KCNIP4: variants seen among roughly 807,000 people sequenced by gnomAD.
The protein encoded by KCNIP4 is potassium voltage-gated channel interacting protein 4.
A neutral mutation model predicts 34.0 loss-of-function variants in KCNIP4; 12 were observed. That is an observed-to-expected ratio of 0.35 (90% confidence interval 0.23 to 0.57). The LOEUF is 0.57. Among genes scored for constraint, KCNIP4 ranks in the 20% least tolerant of loss-of-function variants. The pLI, the probability that KCNIP4 is intolerant of heterozygous loss-of-function variation, is 0.83. For synonymous variants in KCNIP4, 124 were observed against 102.2 expected, an observed-to-expected ratio of 1.21 and a Z score of -1.29; for missense variants, 238 against 311.7, an observed-to-expected ratio of 0.76 and a Z score of 1.78.
At chr4:21,661,276 A>T (rs909142583) in intron 1 of KCNIP4, among the ~76,000 whole-genome samples, 1 of 152,108 alleles carries the variant, frequency 6.6e-6, no homozygotes, top group South Asian at 2.1e-4. Flanking sequence ...GTGTGACCTG[A>T]TTCTTCCTGG....
At chr4:21,441,930 T>C (rs1001280322) in intron 1 of KCNIP4, among the ~76,000 whole-genome samples, 2 of 152,194 alleles carry the variant, frequency 1.3e-5, no homozygotes, top group African/African-American at 4.8e-5. Context: ...TATACTTACA[T>C]TACTTCATTA....
chr4:21,066,149 G>A (rs1744363633), intron 1 of KCNIP4, among the ~76,000 whole-genome samples: 1 of 152,058 alleles, frequency 6.6e-6, no homozygotes. Flanking sequence ...AACAACACCG[G>A]TGGGAAATTT....
chr4:21,389,934 T>C (rs190015917), intron 1 of KCNIP4, among the ~76,000 whole-genome samples: 10 of 150,874 alleles, frequency 6.6e-5, no homozygotes, highest in African/African-American at 1.7e-4. Context: ...TAAAAGTGTT[T>C]CTATTTCTCC....
chr4:21,527,306 T>C (rs1283998165), intron 1 of KCNIP4, among the ~76,000 whole-genome samples: 2 of 152,188 alleles, frequency 1.3e-5, no homozygotes, highest in Non-Finnish European at 2.9e-5. Flanking sequence ...TCCCTTACCT[T>C]GGCTAATATT....
chr4:21,739,701 G>C (rs1478256366), intron 1 of KCNIP4, among the ~76,000 whole-genome samples: 1 of 152,048 alleles, frequency 6.6e-6, no homozygotes, highest in Non-Finnish European at 1.5e-5. Context: ...TAAGGAGAAA[G>C]TTATGCTTGT....
At chr4:20,836,549 G>C (rs1719056723) in intron 3 of KCNIP4, among the ~76,000 whole-genome samples, 1 of 152,174 alleles carries the variant, frequency 6.6e-6, no homozygotes, top group Non-Finnish European at 1.5e-5. Flanking sequence ...GGGCAGGTGA[G>C]CAGGCTGGAA....
intron 1 of KCNIP4, among the ~76,000 whole-genome samples, chr4:21,411,715 G>T (rs774592280): frequency 6.6e-6 from 1 of 152,182 alleles, no homozygotes; most frequent in South Asian, 2.1e-4. Flanking sequence ...GAATGTGCCT[G>T]TGGTCTTAGC....
chr4:21,401,644 G>A (rs1183494907), intron 1 of KCNIP4, among the ~76,000 whole-genome samples: 1 of 152,200 alleles, frequency 6.6e-6, no homozygotes. Context: ...CAGCAACAGG[G>A]AATTAAGGAG....
chr4:21,364,840 A>T (rs569988635), intron 1 of KCNIP4, among the ~76,000 whole-genome samples: 1 of 152,336 alleles, frequency 6.6e-6, no homozygotes, highest in African/African-American at 2.4e-5. Flanking sequence ...ACTATTTGTT[A>T]GAGGCAACTA....
At chr4:21,556,002 T>G (rs1738974111) in intron 1 of KCNIP4, among the ~76,000 whole-genome samples, 1 of 152,142 alleles carries the variant, frequency 6.6e-6, no homozygotes, top group South Asian at 2.1e-4. Flanking sequence ...ATCCTAAATA[T>G]TGCAAAGGAA....
chr4:21,692,051 T>C (rs771771034), intron 1 of KCNIP4, among the ~76,000 whole-genome samples: 8 of 152,080 alleles, frequency 5.3e-5, no homozygotes, highest in Admixed American at 4.6e-4. Flanking sequence ...TCGTGAAACA[T>C]GTTGATTAAT....
intron 1 of KCNIP4, among the ~76,000 whole-genome samples, chr4:21,413,956 G>C (rs547034351): frequency 3.3e-5 from 5 of 152,280 alleles, no homozygotes; most frequent in African/African-American, 9.6e-5. Flanking sequence ...CTGCAGAATA[G>C]ACCATTTTTA....
chr4:21,072,781 C>G (rs1158684197), intron 1 of KCNIP4, among the ~76,000 whole-genome samples: 1 of 152,100 alleles, frequency 6.6e-6, no homozygotes, highest in Non-Finnish European at 1.5e-5. Context: ...GGTTTTGGGT[C>G]TAACATGTAA....
chr4:21,150,529 G>A (rs1439948030), intron 1 of KCNIP4, among the ~76,000 whole-genome samples: 1 of 152,204 alleles, frequency 6.6e-6, no homozygotes, highest in Non-Finnish European at 1.5e-5. Context: ...CTTAGAGGAG[G>A]GAGTGATAGA....
chr4:20,738,495 G>A (rs986444512), intron 5 of KCNIP4, among the ~76,000 whole-genome samples: 1 of 151,906 alleles, frequency 6.6e-6, no homozygotes, highest in African/African-American at 2.4e-5. Flanking sequence ...GGGGAAGCCT[G>A]TACTGCTTCC....
At chr4:20,895,016 A>T (rs913585176) in intron 1 of KCNIP4, among the ~76,000 whole-genome samples, 3 of 152,200 alleles carry the variant, frequency 2.0e-5, no homozygotes, top group African/African-American at 2.4e-5. Flanking sequence ...GAGGAAATTG[A>T]TGGTAAAGAT....
intron 1 of KCNIP4, among the ~76,000 whole-genome samples, chr4:21,906,767 CCCTG>C (rs1560175310): frequency 6.6e-6 from 1 of 152,108 alleles, no homozygotes. Context: ...GCATACCCTG[CCCTG>C]ATAACATCTA....
intron 1 of KCNIP4, among the ~76,000 whole-genome samples, chr4:21,494,773 T>TAA (rs34162922): frequency 0.014 from 1,535 of 111,702 alleles, 25 homozygotes; most frequent in African/African-American, 0.043. Context: ...TCAGACTGTG[T>TAA]AAAAAAAAAA....
At position 21,757,167 on chromosome 4, in the gene KCNIP4, G is replaced by GAAAGAAAGA. The variant is rs1308919854; in HGVS notation, c.61+191403_61+191404insTCTTTCTTT. Among the ~76,000 whole-genome samples the GAAAGAAAGA allele has an allele frequency of 4.1e-5, 2 of 48,930 alleles. 1 individual carries two copies. Among genetic ancestry groups the GAAAGAAAGA allele is most frequent in the Non-Finnish European group, 8.4e-5 (2 of 23,858 alleles). 32.1% of individuals were successfully genotyped at this position (48,930 alleles called of 152,430 possible). On this transcript the variant is annotated intron_variant, in intron 1 of 8. Transcript: ENST00000382152. ...AGAAAGAAAGAAAGAAAGAAAGAAA[G>GAAAGAAAGA]AAGGAAGGAAGGAAGGAAGGAAGGA...
Sources: gnomAD v4.1 joint callset for allele counts (sites outside exome capture counted in the v4.1 genomes callset) on GRCh38, gnomAD v4.1.1 for gene constraint, MANE v1.5 for transcripts, NCBI Gene and HGNC (gene_info 2026-07-23, HGNC 2026-07-21) for gene names.